Variants in RUVBL1 observed in about 807,000 individuals in gnomAD.
The protein encoded by RUVBL1 is RuvB like AAA ATPase 1.
RUVBL1 carries 4 observed loss-of-function variants against 52.4 expected under a neutral mutation model. That is an observed-to-expected ratio of 0.08 (90% CI 0.04 to 0.17). RUVBL1 has a LOEUF of 0.17. Ranked by LOEUF, RUVBL1 falls within the 10% of genes least tolerant of loss-of-function variation. RUVBL1 has a pLI of 1.00. For missense variants in RUVBL1, 298 were observed against 572.8 expected (o/e 0.52, Z 4.90); for synonymous variants, 217 against 214.4 (o/e 1.01, Z -0.10).
intron 8 of RUVBL1, among the ~76,000 whole-genome samples, chr3:128,095,816 G>A (rs1260226645): frequency 6.6e-6 from 1 of 151,992 alleles, no homozygotes; most frequent in African/African-American, 2.4e-5. Flanking sequence ...CTATTCACAG[G>A]TGCAATCATT....
In RUVBL1 at chr3:128,081,288, T is replaced by C. The variant is rs892748496; in HGVS notation, c.1333A>G (p.Lys445Glu). Residue 445 changes from lysine to glutamate, a missense_variant, in exon 11 of 11, where the codon AAA becomes GAA. Transcript: ENST00000322623. The surrounding 1 kb of genome is among the most constrained non-coding windows in gnomAD (Gnocchi z 4.8). ...TTATCCTGCTGGTCAGCCAGGATTTTGGCGGAGGACTTGGCATCATAGAAA... is the reference window on the plus strand; with the variant it reads ...TTATCCTGCTGGTCAGCCAGGATTTCGGCGGAGGACTTGGCATCATAGAAA... ...ELFYDAKSSA[K>E]ILADQQDKYM... 1 of 1,614,240 alleles carries C rather than the reference T, an allele frequency of 6.2e-7. No homozygotes were observed. The highest frequency in any genetic ancestry group is 8.5e-7 in the Non-Finnish European group (1 of 1,180,038).
intron 3 of RUVBL1, among the ~76,000 whole-genome samples, chr3:128,111,314 T>C (rs1288110038): frequency 6.6e-6 from 1 of 151,914 alleles, no homozygotes; most frequent in Non-Finnish European, 1.5e-5. Flanking sequence ...GCACCCACTA[T>C]GTGCCAGGAA....
intron 2 of RUVBL1, among the ~76,000 whole-genome samples, chr3:128,114,963 G>A (rs1188399439): frequency 6.6e-6 from 1 of 151,542 alleles, no homozygotes; most frequent in Non-Finnish European, 1.5e-5. Flanking sequence ...AACTAATACA[G>A]AAGAGATGAA....
At chr3:128,110,571 A>C (rs1943362119) in intron 3 of RUVBL1, among the ~76,000 whole-genome samples, 1 of 152,228 alleles carries the variant, frequency 6.6e-6, no homozygotes, top group Non-Finnish European at 1.5e-5. Context: ...AAAATATTCA[A>C]ATCGTGGCAC....
chr3:128,122,250 TA>T (rs1412956176), intron 1 of RUVBL1, among the ~76,000 whole-genome samples: 4 of 152,210 alleles, frequency 2.6e-5, no homozygotes, highest in African/African-American at 9.7e-5. Flanking sequence ...TTAAAGGGTG[TA>T]GGGGTAAAGT....
At chr3:128,095,572 G>C (rs1942949770) in intron 8 of RUVBL1, among the ~76,000 whole-genome samples, 1 of 152,214 alleles carries the variant, frequency 6.6e-6, no homozygotes. Flanking sequence ...GGGATTCAGA[G>C]TAGCTACAAG....
At chr3:128,065,799 C>T (rs554769448) in intron 9 of RUVBL1, among the ~76,000 whole-genome samples, 6 of 128,544 alleles carry the variant, frequency 4.7e-5, no homozygotes, top group East Asian at 5.1e-4. Flanking sequence ...TGCAGTGGCG[C>T]GATCTCGACT....
At chr3:128,072,365 G>A (rs1281219731) in intron 9 of RUVBL1, among the ~76,000 whole-genome samples, 2 of 152,220 alleles carry the variant, frequency 1.3e-5, no homozygotes, top group Non-Finnish European at 2.9e-5. Context: ...GACCAGGGCT[G>A]TGGGAGGTCG....
At chr3:128,131,875 C>T (rs1404258382) in intron 1 of RUVBL1, among the ~76,000 whole-genome samples, 1 of 152,160 alleles carries the variant, frequency 6.6e-6, no homozygotes, top group Non-Finnish European at 1.5e-5. Flanking sequence ...CCACCTGCCG[C>T]CAGCAGGAAA....
At chr3:128,115,362 G>A (rs1315252923) in intron 2 of RUVBL1, among the ~76,000 whole-genome samples, 1 of 152,164 alleles carries the variant, frequency 6.6e-6, no homozygotes, top group Non-Finnish European at 1.5e-5. Flanking sequence ...AATCTCATCT[G>A]AATATCTCCT....
intron 1 of RUVBL1, among the ~76,000 whole-genome samples, chr3:128,150,782 ATATATATTCTATATAT>A (rs1431221698): frequency 0.068 from 6,397 of 94,454 alleles, 600 homozygotes; most frequent in Middle Eastern, 0.083. Flanking sequence ...TATATATTCT[ATATATATTCTATATAT>A]TATATATTCT....
Position 128,094,024 on chromosome 3 carries a change from G to A in RUVBL1, c.1016+3276C>T, listed in dbSNP as rs149233529. ...ATGTCCACAGAGCAGACCAGGCAGG[G>A]GCATGAAATCAGCTTCCAAGAGGGC... On this transcript the variant is annotated intron_variant, in intron 8 of 10. Transcript: ENST00000322623. Among the ~76,000 whole-genome samples the A allele has an allele frequency of 6.6e-5, 10 of 152,230 alleles. No individual in the cohort carries two copies. The East Asian group carries it at 1.2e-3, about 18-fold the overall frequency.
At chr3:128,096,614 CAGG>C (rs1255394056) in intron 8 of RUVBL1, among the ~76,000 whole-genome samples, 1 of 152,104 alleles carries the variant, frequency 6.6e-6, no homozygotes, top group Non-Finnish European at 1.5e-5. Context: ...ATCACGAGGT[CAGG>C]AGATCAAGAC....
upstream of RUVBL1, among the ~76,000 whole-genome samples, chr3:128,124,258 A>T (rs543742664): frequency 1.3e-5 from 2 of 152,112 alleles, no homozygotes; most frequent in East Asian, 3.9e-4. Flanking sequence ...AGCTCAACCC[A>T]CCACCGTTTC....
At chr3:128,068,879 G>A (rs907504213) in intron 9 of RUVBL1, 6 of 152,354 alleles carry the variant, frequency 3.9e-5, no homozygotes, top group Non-Finnish European at 7.3e-5. Flanking sequence ...TGGCTACAAA[G>A]TCAGCTGCAG....
At chr3:128,080,192 AACTGACAAGAGCTCTC>A (rs1942430338), downstream of RUVBL1, among the ~76,000 whole-genome samples, 1 of 152,268 alleles carries the variant, frequency 6.6e-6, no homozygotes, top group African/African-American at 2.4e-5. Context: ...CACACGAGCC[AACTGACAAGAGCTCTC>A]ACTGGCCAAA....
In RUVBL1 at chr3:128,082,938, TC is replaced by T. The variant is rs1942524306; in HGVS notation, c.1120-365del. ...GGGCCTCTTCTAACCTACCCGGGGC[TC>T]CTGCAAGGGCTCTAACCTTCCTCTC... On this transcript the variant is annotated intron_variant, in intron 9 of 10. Coordinates refer to ENST00000322623, the MANE Select transcript of RUVBL1 (RefSeq NM_003707.3). The surrounding 1 kb of genome is among the most constrained non-coding windows in gnomAD (Gnocchi z 4.7). 1 of 178,934 alleles carries T rather than the reference TC, an allele frequency of 5.6e-6. No individual in the cohort carries two copies. Among genetic ancestry groups the T allele is most frequent in the African/African-American group, 2.4e-5 (1 of 41,968 alleles). The allele number at this position is 178,934 out of a possible 1,614,324, so 11.1% of individuals were successfully genotyped here. A position where few individuals can be genotyped will look rare whatever the true frequency, so the allele number is the denominator to read the frequency against.
At chr3:128,112,205 C>G (rs56304836) in intron 3 of RUVBL1, among the ~76,000 whole-genome samples, 2,014 of 152,360 alleles carry the variant, frequency 0.013, 20 homozygotes, top group South Asian at 0.026. Context: ...TTTCTTCTCA[C>G]AGCCAATCTT....
At chr3:128,069,172 ATAAT>A (rs1352770719) in intron 9 of RUVBL1, among the ~76,000 whole-genome samples, 1 of 152,226 alleles carries the variant, frequency 6.6e-6, no homozygotes, top group East Asian at 1.9e-4. Flanking sequence ...TTTCAACATT[ATAAT>A]TAATGTTAAG....
Sources: allele counts gnomAD v4.1 joint callset (sites outside exome capture counted in the v4.1 genomes callset), GRCh38; gene constraint gnomAD v4.1.1; non-coding constraint Gnocchi (gnomAD v3.1); transcripts MANE v1.5; gene names NCBI Gene and HGNC (gene_info 2026-07-23, HGNC 2026-07-21).